The following KHDC1 variants were observed in gnomAD, a reference collection of about 807,000 sequenced individuals.
The protein encoded by KHDC1 is KH homology domain-containing protein 1.
In KHDC1, 21 loss-of-function variants were observed where a neutral mutation model predicts 24.7. The observed-to-expected ratio is 0.85, with a 90% CI of 0.60 to 1.23. The LOEUF is 1.23. Among genes scored for constraint, KHDC1 ranks in the 50% most tolerant of loss-of-function variants. The pLI is 0.00. For synonymous variants in KHDC1, 98 were observed against 111.7 expected, an observed-to-expected ratio of 0.88 and a Z score of 0.77; for missense variants, 274 against 298.5, an observed-to-expected ratio of 0.92 and a Z score of 0.61.
chr6:73,242,191 G>A, exon 4 of KHDC1: 10 of 1,614,114 alleles, frequency 6.2e-6, no homozygotes, highest in Non-Finnish European at 8.5e-6. Context: ...GCTGAATAAG[G>A]GTGTGGCTGT....
At chr6:73,306,645 C>A (rs1767967961) in intron 1 of KHDC1, among the ~76,000 whole-genome samples, 1 of 151,546 alleles carries the variant, frequency 6.6e-6, no homozygotes, top group Non-Finnish European at 1.5e-5. Flanking sequence ...ATAGATAATA[C>A]CCTCCTTCTA....
rs896875028 is a variant in KHDC1, at chr6:73,309,178, C to T, written c.163+374G>A. On this transcript the variant is annotated intron_variant, in intron 1 of 4. Coordinates refer to ENST00000370384, the Ensembl canonical transcript of KHDC1. The stretch of plus-strand genomic sequence containing the variant: ...TGATTCTGCTGATCGCGGGACTCCG[C>T]TTTGAGATCAGCTCTCCTAGGGTAT... 2.0e-5 allele frequency among the ~76,000 whole-genome samples: 3 copies of T among 152,274 alleles called. No homozygotes were observed. The East Asian group carries it at 5.8e-4, about 29-fold the overall frequency.
intron 2 of KHDC1, among the ~76,000 whole-genome samples, chr6:73,261,540 C>T (rs1449489899): frequency 3.3e-5 from 5 of 151,746 alleles, no homozygotes; most frequent in Non-Finnish European, 7.4e-5. Context: ...GAGGTCGAGG[C>T]GGGCGGACCC....
intron 1 of KHDC1, chr6:73,292,574 C>G (rs1410865391): frequency 2.6e-6 from 2 of 765,882 alleles, no homozygotes. Flanking sequence ...GAGTTCTCCA[C>G]TCCAGTCTCT....
Position 73,242,245 on chromosome 6 carries a change from C to G in KHDC1, c.332-8G>C. Reference sequence around the variant, plus strand: ...GGTATGTGTCACCATGCCCTGTGAGCATAAGAGGTGAGAGGAGGTTCTGTC... The same window carrying G: ...GGTATGTGTCACCATGCCCTGTGAGGATAAGAGGTGAGAGGAGGTTCTGTC... On this transcript the variant is annotated splice_polypyrimidine_tract_variant and splice_region_variant and intron_variant, in intron 3 of 4. Transcript: ENST00000370384. 1 of 1,611,160 alleles carries G rather than the reference C, an allele frequency of 6.2e-7. No homozygotes were observed. The highest frequency in any genetic ancestry group is 8.5e-7 in the Non-Finnish European group (1 of 1,178,598).
chr6:73,241,444 T>C (rs1766562948), exon 5 of KHDC1: 1 of 1,321,524 alleles, frequency 7.6e-7, no homozygotes, highest in Admixed American at 1.7e-5. Flanking sequence ...CAAACTTTCC[T>C]CAGTGTCTAT....
At chr6:73,279,856 G>A (rs937546254) in intron 2 of KHDC1, among the ~76,000 whole-genome samples, 5 of 151,662 alleles carry the variant, frequency 3.3e-5, no homozygotes, top group South Asian at 2.1e-4. Flanking sequence ...GATTACAGGC[G>A]TGAGCCACCT....
At chr6:73,253,325 G>A (rs368947264) in intron 2 of KHDC1, among the ~76,000 whole-genome samples, 1 of 152,074 alleles carries the variant, frequency 6.6e-6, no homozygotes, top group Non-Finnish European at 1.5e-5. Context: ...GGAGGCCGAG[G>A]GGGGTGGATC....
intron 2 of KHDC1, among the ~76,000 whole-genome samples, chr6:73,264,373 C>A (rs1483756873): frequency 1.3e-5 from 2 of 152,206 alleles, no homozygotes; most frequent in Non-Finnish European, 2.9e-5. Context: ...CTCCAGTATT[C>A]TTTTCATCCT....
intron 2 of KHDC1, among the ~76,000 whole-genome samples, chr6:73,285,962 A>G (rs1282878732): frequency 6.6e-6 from 1 of 152,002 alleles, no homozygotes; most frequent in African/African-American, 2.4e-5. Flanking sequence ...TTTCTCCTTT[A>G]TGCTAGTTTC....
intron 2 of KHDC1, among the ~76,000 whole-genome samples, chr6:73,261,368 A>T (rs1766976009): frequency 1.3e-5 from 2 of 151,958 alleles, no homozygotes; most frequent in Admixed American, 6.6e-5. Flanking sequence ...GCTTGAACCC[A>T]GAAGGCGGGG....
chr6:73,303,726 T>C (rs1006674517), intron 1 of KHDC1, among the ~76,000 whole-genome samples: 4 of 151,996 alleles, frequency 2.6e-5, no homozygotes. Flanking sequence ...AGTTCCAAGG[T>C]CATGAAAGAC....
intron 2 of KHDC1, among the ~76,000 whole-genome samples, chr6:73,246,514 C>T (rs551009765): frequency 1.6e-4 from 24 of 152,110 alleles, no homozygotes; most frequent in Admixed American, 9.8e-4. Context: ...AGAGTTGTCA[C>T]GAGAATTAAG....
intron 2 of KHDC1, among the ~76,000 whole-genome samples, chr6:73,252,415 A>G (rs553685102): frequency 2.0e-5 from 3 of 152,310 alleles, no homozygotes; most frequent in African/African-American, 7.2e-5. Context: ...AGAATAAATT[A>G]GCTCTTCTAG....
intron 2 of KHDC1, among the ~76,000 whole-genome samples, chr6:73,252,025 T>C (rs1480234869): frequency 6.6e-6 from 1 of 151,312 alleles, no homozygotes; most frequent in African/African-American, 2.4e-5. Flanking sequence ...GCCCAGGCCT[T>C]GGCCTAAATC....
intron 2 of KHDC1, among the ~76,000 whole-genome samples, chr6:73,257,006 T>C (rs534266241): frequency 6.6e-6 from 1 of 152,186 alleles, no homozygotes; most frequent in East Asian, 1.9e-4. Flanking sequence ...TTAAAAGGCA[T>C]GGCCAGTGGG....
intron 1 of KHDC1, among the ~76,000 whole-genome samples, chr6:73,303,224 C>T (rs760383002): frequency 6.6e-6 from 1 of 150,972 alleles, no homozygotes; most frequent in Non-Finnish European, 1.5e-5. Flanking sequence ...AAGTTGAACT[C>T]ATAGAGAATA....
At chr6:73,282,592 G>A (rs1447025443) in intron 2 of KHDC1, among the ~76,000 whole-genome samples, 1 of 152,098 alleles carries the variant, frequency 6.6e-6, no homozygotes, top group Non-Finnish European at 1.5e-5. Context: ...TATAGTTTAG[G>A]AGTCATGCAG....
intron 2 of KHDC1, among the ~76,000 whole-genome samples, chr6:73,264,457 T>G (rs1036784857): frequency 3.9e-5 from 6 of 152,030 alleles, no homozygotes; most frequent in Non-Finnish European, 7.4e-5. Context: ...AGGAGGCAGG[T>G]TGCCCTCTTG....
Sources: allele counts gnomAD v4.1 joint callset (sites outside exome capture counted in the v4.1 genomes callset), GRCh38; gene constraint gnomAD v4.1.1; transcripts MANE v1.5; gene names NCBI Gene and HGNC (gene_info 2026-07-23, HGNC 2026-07-21).